Variants in NTM observed in about 807,000 individuals in gnomAD.
NTM encodes IgLON family member 2.
NTM carries 13 observed loss-of-function variants against 42.1 expected under a neutral mutation model. The observed-to-expected ratio is 0.31, with a 90% confidence interval of 0.20 to 0.49. The LOEUF (loss-of-function observed/expected upper bound fraction) is 0.49, where lower values mean the gene tolerates loss of function less well. NTM is among the 20% of genes least tolerant of loss of function. The pLI is 0.99. For missense variants in NTM, 373 were observed against 452.8 expected (o/e 0.82, Z 1.60); for synonymous variants, 187 against 179.2 (o/e 1.04, Z -0.35).
intron 1 of NTM, among the ~76,000 whole-genome samples, chr11:131,557,055 C>CTTTTTTTTTTTTTTTT (rs970811707): frequency 6.6e-6 from 1 of 151,944 alleles, no homozygotes; most frequent in African/African-American, 2.4e-5. Flanking sequence ...TGATTTGTAA[C>CTTTTTTTTTTTTTTTT]TTTTTTTCTT....
intron 1 of NTM, among the ~76,000 whole-genome samples, chr11:131,638,606 T>C (rs1334823137): frequency 7.8e-6 from 1 of 127,470 alleles, no homozygotes; most frequent in Non-Finnish European, 1.7e-5. Flanking sequence ...AATAGGTAAA[T>C]CACATAAAGA....
intron 1 of NTM, among the ~76,000 whole-genome samples, chr11:131,778,267 A>C (rs1167982335): frequency 6.6e-6 from 1 of 152,258 alleles, no homozygotes; most frequent in African/African-American, 2.4e-5. Flanking sequence ...AACTGAAGCT[A>C]GTGCCACAGG....
At chr11:131,506,359 A>T (rs1365250023) in intron 1 of NTM, among the ~76,000 whole-genome samples, 1 of 152,172 alleles carries the variant, frequency 6.6e-6, no homozygotes, top group African/African-American at 2.4e-5. Flanking sequence ...TGGTGCCCGA[A>T]TATCTTTAAT....
chr11:131,419,429 G>T (rs569138677), intron 1 of NTM, among the ~76,000 whole-genome samples: 1 of 152,190 alleles, frequency 6.6e-6, no homozygotes, highest in African/African-American at 2.4e-5. Flanking sequence ...ATGATCCAGA[G>T]AAGGGCTTCT....
intron 1 of NTM, among the ~76,000 whole-genome samples, chr11:131,377,705 C>G (rs148160878): frequency 6.6e-6 from 1 of 152,194 alleles, no homozygotes. Flanking sequence ...CTCCTACACA[C>G]CCATCTTCTT....
chr11:131,903,180 A>G (rs1483528785), intron 1 of NTM, among the ~76,000 whole-genome samples: 9 of 152,204 alleles, frequency 5.9e-5, no homozygotes, highest in African/African-American at 2.2e-4. Flanking sequence ...ACAGTGTGCA[A>G]CCAGTCCAAT....
intron 1 of NTM, among the ~76,000 whole-genome samples, chr11:131,757,635 G>A (rs929054808): frequency 2.0e-5 from 3 of 152,180 alleles, no homozygotes; most frequent in African/African-American, 7.2e-5. Context: ...AAAGTATCAA[G>A]CCCTGACATC....
intron 1 of NTM, among the ~76,000 whole-genome samples, chr11:131,590,406 T>C (rs1039112071): frequency 6.6e-6 from 1 of 152,136 alleles, no homozygotes; most frequent in Non-Finnish European, 1.5e-5. Context: ...CCAAGCGACA[T>C]GCTGGAAGCC....
intron 1 of NTM, among the ~76,000 whole-genome samples, chr11:131,579,535 C>T (rs2058216361): frequency 6.6e-6 from 1 of 152,148 alleles, no homozygotes; most frequent in Non-Finnish European, 1.5e-5. Flanking sequence ...AATATGTGAG[C>T]AAACAAAATA....
chr11:131,983,915 G>T (rs938298393), intron 2 of NTM, among the ~76,000 whole-genome samples: 2 of 152,152 alleles, frequency 1.3e-5, no homozygotes, highest in Non-Finnish European at 2.9e-5. Context: ...GAATATAGAA[G>T]AATACATAAG....
At chr11:131,392,564 TC>T (rs1287206540) in intron 1 of NTM, among the ~76,000 whole-genome samples, 1 of 152,202 alleles carries the variant, frequency 6.6e-6, no homozygotes, top group Non-Finnish European at 1.5e-5. Flanking sequence ...CAATAAAGCC[TC>T]GCCTTGAGAA....
chr11:132,098,079 T>G (rs1190922336), intron 2 of NTM, among the ~76,000 whole-genome samples: 1 of 152,236 alleles, frequency 6.6e-6, no homozygotes, highest in Admixed American at 6.5e-5. Flanking sequence ...TGTCATGATG[T>G]GGAAAGTTAA....
rs571134500 is a variant in NTM, at chr11:131,958,983, C to T, written c.167+47335C>T. Among the ~76,000 whole-genome samples the T allele has an allele frequency of 1.2e-3, 188 of 152,288 alleles. 1 individual carries two copies. The highest frequency in any genetic ancestry group is 1.4e-3 in the Non-Finnish European group (93 of 68,036). ...TCCACATGCCACTGTTTCAGGGGTG[C>T]TGGCGGAAGAAACGAGACTCCAGGG... On this transcript the variant is annotated intron_variant, in intron 2 of 8. Transcript: ENST00000683400.
At chr11:131,667,636 A>T (rs1348943613) in intron 1 of NTM, among the ~76,000 whole-genome samples, 1 of 152,200 alleles carries the variant, frequency 6.6e-6, no homozygotes, top group East Asian at 1.9e-4. Flanking sequence ...CCTGCCTTAC[A>T]GCAGTGAGCA....
chr11:132,025,047 A>T (rs1324382106), intron 2 of NTM, among the ~76,000 whole-genome samples: 5 of 152,148 alleles, frequency 3.3e-5, no homozygotes, highest in Admixed American at 2.0e-4. Flanking sequence ...CCTGTGTCTG[A>T]ATTCCTTCCC....
intron 7 of NTM, among the ~76,000 whole-genome samples, chr11:132,316,269 G>T (rs562591512): frequency 6.6e-6 from 1 of 152,176 alleles, no homozygotes; most frequent in Admixed American, 6.5e-5. Flanking sequence ...AACAGTTCTC[G>T]TAAGAGTTGA....
intron 2 of NTM, among the ~76,000 whole-genome samples, chr11:132,065,363 G>C (rs2081283434): frequency 6.6e-6 from 1 of 152,008 alleles, no homozygotes; most frequent in African/African-American, 2.4e-5. Flanking sequence ...ATCATCTCAG[G>C]GCAAAAAGGC....
At chr11:131,932,997 G>A (rs1445593827) in intron 2 of NTM, among the ~76,000 whole-genome samples, 2 of 152,226 alleles carry the variant, frequency 1.3e-5, no homozygotes, top group East Asian at 1.9e-4. Context: ...AGCCAGGGCT[G>A]TGAGCTGAGC....
chr11:131,749,451 G>C (rs530660852), intron 1 of NTM, among the ~76,000 whole-genome samples: 18 of 152,316 alleles, frequency 1.2e-4, no homozygotes, highest in African/African-American at 4.3e-4. Context: ...ACATTTACAG[G>C]CTATATGCTA....
Sources: gnomAD v4.1 joint callset for allele counts (sites outside exome capture counted in the v4.1 genomes callset) on GRCh38, gnomAD v4.1.1 for gene constraint, MANE v1.5 for transcripts, NCBI Gene and HGNC (gene_info 2026-07-23, HGNC 2026-07-21) for gene names.